PTPRG: variants seen among roughly 807,000 people sequenced by gnomAD.
The protein encoded by PTPRG is receptor-type tyrosine-protein phosphatase gamma.
Under a neutral mutation model 165.3 loss-of-function variants are expected in PTPRG, and 102 were observed. The observed-to-expected ratio is 0.62, with a 90% confidence interval of 0.53 to 0.73. PTPRG has a LOEUF of 0.73. Among genes scored for constraint, PTPRG ranks in the 30% least tolerant of loss-of-function variants. The pLI, the probability that PTPRG is intolerant of heterozygous loss-of-function variation, is 0.00. For missense variants in PTPRG, 1,866 were observed against 1,861.4 expected, an observed-to-expected ratio of 1.00 and a Z score of -0.05; for synonymous variants, 675 against 669.5, an observed-to-expected ratio of 1.01 and a Z score of -0.13.
intron 1 of PTPRG, among the ~76,000 whole-genome samples, chr3:61,715,499 G>C (rs148079913): frequency 1.3e-5 from 2 of 152,280 alleles, no homozygotes; most frequent in African/African-American, 4.8e-5. Flanking sequence ...GATTACTGGT[G>C]TGAGCCACCG....
chr3:61,590,535 G>A (rs1700543781), intron 1 of PTPRG, among the ~76,000 whole-genome samples: 1 of 151,476 alleles, frequency 6.6e-6, no homozygotes, highest in South Asian at 2.1e-4. Context: ...AAAAAAAAAA[G>A]TATAATACAT....
intron 2 of PTPRG, among the ~76,000 whole-genome samples, chr3:61,985,194 TGCC>T (rs1222763236): frequency 6.6e-6 from 1 of 152,250 alleles, no homozygotes; most frequent in Non-Finnish European, 1.5e-5. Flanking sequence ...AAATGGGAAA[TGCC>T]TGAGTAAGAT....
At chr3:61,608,619 G>T (rs890195690) in intron 1 of PTPRG, among the ~76,000 whole-genome samples, 2 of 152,210 alleles carry the variant, frequency 1.3e-5, no homozygotes, top group African/African-American at 4.8e-5. Flanking sequence ...CGACTTCTTT[G>T]AGCTGCTCAA....
intron 1 of PTPRG, among the ~76,000 whole-genome samples, chr3:61,592,609 A>G (rs533337330): frequency 1.4e-5 from 2 of 143,170 alleles, no homozygotes; most frequent in Admixed American, 1.4e-4. Flanking sequence ...GGAAACACCA[A>G]TTTTTTCTTT....
chr3:62,080,103 T>C (rs1701517033), intron 5 of PTPRG, among the ~76,000 whole-genome samples: 1 of 149,934 alleles, frequency 6.7e-6, no homozygotes, highest in South Asian at 2.1e-4. Context: ...TTCGCTCTTG[T>C]TATGCCCAGG....
chr3:61,918,031 G>A (rs2038985233), intron 2 of PTPRG, among the ~76,000 whole-genome samples: 2 of 152,190 alleles, frequency 1.3e-5, no homozygotes, highest in Admixed American at 1.3e-4. Flanking sequence ...ATGTAGCTTA[G>A]AGATCAGTAA....
At chr3:62,137,637 C>T (rs566734392) in intron 6 of PTPRG, among the ~76,000 whole-genome samples, 2 of 151,976 alleles carry the variant, frequency 1.3e-5, no homozygotes, top group South Asian at 2.1e-4. Flanking sequence ...TGGATCAGAC[C>T]GGCAGCAGAG....
chr3:62,228,607 A>G lies in PTPRG; in HGVS notation c.2289-2618A>G, dbSNP rs193266354. On this transcript the variant is annotated intron_variant, in intron 13 of 29. Coordinates refer to ENST00000474889, the MANE Select transcript of PTPRG (RefSeq NM_002841.4). The surrounding 1 kb of genome is among the most constrained non-coding windows in gnomAD (Gnocchi z 4.1). ...GTAGGAGATGACCCAGAAGCACTGG[A>G]TCATGGCACATTCATTATTTCTTAG... 1.2e-4 allele frequency among the ~76,000 whole-genome samples: 18 copies of G among 152,246 alleles called. No individual in the cohort carries two copies. In the East Asian group the frequency reaches 3.3e-3, roughly 28 times the overall value.
At chr3:61,715,674 G>A (rs2031772863) in intron 1 of PTPRG, among the ~76,000 whole-genome samples, 1 of 152,166 alleles carries the variant, frequency 6.6e-6, no homozygotes, top group African/African-American at 2.4e-5. Context: ...GCCTGCAGTG[G>A]AGGGGGCACA....
At chr3:61,677,387 C>G (rs976490975) in intron 1 of PTPRG, among the ~76,000 whole-genome samples, 1 of 152,196 alleles carries the variant, frequency 6.6e-6, no homozygotes, top group Admixed American at 6.5e-5. Context: ...ATTCTTCCCA[C>G]TTTACATGTG....
intron 2 of PTPRG, among the ~76,000 whole-genome samples, chr3:61,823,394 T>C (rs1330727904): frequency 6.6e-6 from 1 of 152,180 alleles, no homozygotes; most frequent in Non-Finnish European, 1.5e-5. Flanking sequence ...TTCACCATGT[T>C]GAGCAGGATG....
At chr3:62,285,283 C>T (rs761142609) in intron 28 of PTPRG, among the ~76,000 whole-genome samples, 8 of 152,082 alleles carry the variant, frequency 5.3e-5, no homozygotes, top group Admixed American at 1.3e-4. Flanking sequence ...AAATTGTCCC[C>T]AGAAAGCCTT....
intron 2 of PTPRG, among the ~76,000 whole-genome samples, chr3:61,857,701 C>T (rs1250124171): frequency 6.6e-6 from 1 of 152,112 alleles, no homozygotes; most frequent in Non-Finnish European, 1.5e-5. Flanking sequence ...TAATATAGTT[C>T]CTAACGTTTT....
At chr3:62,204,620 G>A (rs551355853) in intron 12 of PTPRG, among the ~76,000 whole-genome samples, 2 of 152,350 alleles carry the variant, frequency 1.3e-5, no homozygotes, top group African/African-American at 4.8e-5. Context: ...CCTTAATTAA[G>A]AAAGGCCACT....
At chr3:61,576,417 T>C (rs1177996096) in intron 1 of PTPRG, among the ~76,000 whole-genome samples, 2 of 152,234 alleles carry the variant, frequency 1.3e-5, no homozygotes, top group African/African-American at 4.8e-5. Flanking sequence ...TCAGTGAAAG[T>C]GAACAGCATA....
At chr3:61,756,796 C>G (rs935674419) in intron 2 of PTPRG, among the ~76,000 whole-genome samples, 3 of 152,020 alleles carry the variant, frequency 2.0e-5, no homozygotes, top group East Asian at 1.9e-4. Context: ...TCAGTGGTAA[C>G]AAGATTTCAA....
chr3:61,982,061 T>C (rs992666069), intron 2 of PTPRG, among the ~76,000 whole-genome samples: 10 of 152,168 alleles, frequency 6.6e-5, no homozygotes, highest in African/African-American at 2.4e-4. Flanking sequence ...GTATGACCTT[T>C]TTAATCCTTG....
At position 61,683,885 on chromosome 3, in the gene PTPRG, G is replaced by A. The variant is rs796817145; in HGVS notation, c.86-64993G>A. Among the ~76,000 whole-genome samples, 15 of 152,322 alleles carry A rather than the reference G, an allele frequency of 9.8e-5. 1 individual carries two copies. In the South Asian group the frequency reaches 2.9e-3, roughly 29 times the overall value. On this transcript the variant is annotated intron_variant, in intron 1 of 29. Coordinates refer to ENST00000474889, the MANE Select transcript of PTPRG (RefSeq NM_002841.4). ...CTAGGCGTTTAATAATAGCCTGTATGCACAAAGTAGAAATTATGTGATTAT... is the reference window on the plus strand; with the variant it reads ...CTAGGCGTTTAATAATAGCCTGTATACACAAAGTAGAAATTATGTGATTAT...
chr3:62,297,031 C>G lies in PTPRG; in HGVS notation c.*3724C>G, dbSNP rs1299507655. On this transcript the variant is annotated 3_prime_UTR_variant, in exon 30 of 30. Transcript: ENST00000474889. ...TGAAACTAGCAAGCAGCCATTGTTT[C>G]TAAAGAATTCTGGCTTCACATTGAC... The G allele has an allele frequency of 6.6e-6, 1 of 151,980 alleles. No individual in the cohort carries two copies. Among genetic ancestry groups the G allele is most frequent in the Non-Finnish European group, 1.5e-5 (1 of 67,916 alleles). 9.4% of individuals were successfully genotyped at this position (151,980 alleles called of 1,614,324 possible).
Sources: allele counts gnomAD v4.1 joint callset (sites outside exome capture counted in the v4.1 genomes callset), GRCh38; gene constraint gnomAD v4.1.1; non-coding constraint Gnocchi (gnomAD v3.1); transcripts MANE v1.5; gene names NCBI Gene and HGNC (gene_info 2026-07-23, HGNC 2026-07-21).